The following TNR variants were observed in gnomAD, a reference collection of about 807,000 sequenced individuals.
TNR encodes tenascin-R.
TNR carries 45 observed loss-of-function variants against 150.4 expected under a neutral mutation model. The ratio of observed to expected loss-of-function variants is 0.30; its 90% CI spans 0.24 to 0.38. The LOEUF is 0.38. Ranked by LOEUF, TNR falls within the 10% of genes least tolerant of loss-of-function variation. The pLI is 1.00. For missense variants in TNR, 1,544 were observed against 1,759.1 expected (o/e 0.88, Z 2.19); for synonymous variants, 687 against 678.4 (o/e 1.01, Z -0.20).
chr1:175,421,006 A>C (rs1168952420), intron 2 of TNR, among the ~76,000 whole-genome samples: 1 of 152,012 alleles, frequency 6.6e-6, no homozygotes, highest in Non-Finnish European at 1.5e-5. Flanking sequence ...ATTTTTTTTT[A>C]AAGTTTCAGC....
At chr1:175,438,218 T>C (rs759630147) in intron 2 of TNR, among the ~76,000 whole-genome samples, 7 of 152,108 alleles carry the variant, frequency 4.6e-5, no homozygotes, top group Non-Finnish European at 1.0e-4. Context: ...GCAAGGCTGG[T>C]TCAACATATG....
chr1:175,609,804 A>G (rs1355113426), intron 1 of TNR, among the ~76,000 whole-genome samples: 2 of 152,368 alleles, frequency 1.3e-5, no homozygotes, highest in Admixed American at 1.3e-4. Context: ...GTCAAACTAC[A>G]TAGGAAGCCA....
rs58416273 is a variant in TNR at position 175,517,012 on chromosome 1, T to TGAGAGAGAGAGA, written c.-64+11245_-64+11256dup. 1.6e-4 allele frequency among the ~76,000 whole-genome samples: 19 copies of TGAGAGAGAGAGA among 120,450 alleles called. No homozygotes were observed. In the South Asian group the frequency reaches 2.7e-3, roughly 17 times the overall value. The allele number at this position is 120,450 out of a possible 152,430, so 79.0% of individuals were successfully genotyped here. The stretch of plus-strand genomic sequence containing the variant: ...AGCACAAATTAGTACATCTGAAAGC[T>TGAGAGAGAGAGA]GAGAGAGAGAGAGAGAGAGAGAGAG... On this transcript the variant is annotated intron_variant, in intron 2 of 22. Coordinates refer to ENST00000367674, the MANE Select transcript of TNR (RefSeq NM_003285.3).
intron 1 of TNR, among the ~76,000 whole-genome samples, chr1:175,581,781 C>A (rs908323046): frequency 1.3e-5 from 2 of 151,718 alleles, no homozygotes; most frequent in African/African-American, 4.8e-5. Flanking sequence ...ATGGCCCCTG[C>A]TAATAAAGAA....
At chr1:175,568,098 A>G (rs1315417287) in intron 1 of TNR, among the ~76,000 whole-genome samples, 1 of 152,234 alleles carries the variant, frequency 6.6e-6, no homozygotes, top group East Asian at 1.9e-4. Context: ...CTTACAGCTG[A>G]CAGATCATCT....
At chr1:175,640,425 C>A (rs1164536941) in intron 1 of TNR, among the ~76,000 whole-genome samples, 1 of 152,194 alleles carries the variant, frequency 6.6e-6, no homozygotes, top group African/African-American at 2.4e-5. Flanking sequence ...GTACTGGCAC[C>A]ATTATCTCTA....
rs758610631 is a variant in TNR at position 175,359,139 on chromosome 1, C to CTTTTTTTTTTTTTTTT, written c.2974+457_2974+472dup. 3.8e-3 allele frequency among the ~76,000 whole-genome samples: 160 copies of CTTTTTTTTTTTTTTTT among 42,144 alleles called. 57 individuals carry two copies. Among genetic ancestry groups the CTTTTTTTTTTTTTTTT allele is most frequent in the South Asian group, 7.3e-3 (6 of 822 alleles). The allele number at this position is 42,144 out of a possible 152,430, so 27.6% of individuals were successfully genotyped here. A position where few individuals can be genotyped will look rare whatever the true frequency, so the allele number is the denominator to read the frequency against. The stretch of plus-strand genomic sequence containing the variant: ...AGTTTGCAGAGTTTGGGGATATCTT[C>CTTTTTTTTTTTTTTTT]TTTTTTTTTTTTTTTTTTTTTTTTT... On this transcript the variant is annotated intron_variant, in intron 15 of 22. Coordinates refer to ENST00000367674, the MANE Select transcript of TNR (RefSeq NM_003285.3).
intron 1 of TNR, among the ~76,000 whole-genome samples, chr1:175,683,324 G>C (rs1403064466): frequency 6.6e-6 from 1 of 152,146 alleles, no homozygotes; most frequent in African/African-American, 2.4e-5. Context: ...CTTTCTTTCT[G>C]TCTTTACAGG....
intron 1 of TNR, among the ~76,000 whole-genome samples, chr1:175,667,043 A>C (rs928358589): frequency 6.6e-6 from 1 of 152,130 alleles, no homozygotes; most frequent in Non-Finnish European, 1.5e-5. Flanking sequence ...ATGAGCCACC[A>C]TACCCAGCCA....
chr1:175,320,428 CTCTT>C lies in TNR; in HGVS notation c.*2925_*2928del, dbSNP rs902758867. 6.6e-6 allele frequency: 1 copy of C among 152,130 alleles called. No individual in the cohort carries two copies. Among genetic ancestry groups the C allele is most frequent in the Non-Finnish European group, 1.5e-5 (1 of 68,026 alleles). The allele number at this position is 152,130 out of a possible 1,614,324, so 9.4% of individuals were successfully genotyped here. A position where few individuals can be genotyped will look rare whatever the true frequency, so the allele number is the denominator to read the frequency against. On this transcript the variant is annotated 3_prime_UTR_variant, in exon 23 of 23. Coordinates refer to ENST00000367674, the MANE Select transcript of TNR (RefSeq NM_003285.3). ...GGTTGAATAAGCTGATCTTTGAAGT[CTCTT>C]TCTTGCTTCAAAATAAAGCTATGCA...
At chr1:175,336,542 TG>T (rs1650261703) in intron 19 of TNR, among the ~76,000 whole-genome samples, 1 of 152,254 alleles carries the variant, frequency 6.6e-6, no homozygotes, top group South Asian at 2.1e-4. Context: ...AATGTTGGGC[TG>T]CTTTAGGGCC....
intron 3 of TNR, among the ~76,000 whole-genome samples, chr1:175,404,481 T>C (rs1461292432): frequency 6.6e-6 from 1 of 152,222 alleles, no homozygotes. Flanking sequence ...CAGTGGTTAA[T>C]TTATCTGCCT....
intron 2 of TNR, among the ~76,000 whole-genome samples, chr1:175,518,352 T>C (rs539101765): frequency 6.6e-6 from 1 of 152,282 alleles, no homozygotes; most frequent in Admixed American, 6.5e-5. Context: ...GACTGTGCAG[T>C]CTTGGGACAC....
At chr1:175,516,775 T>A (rs564420231) in intron 2 of TNR, among the ~76,000 whole-genome samples, 3 of 152,204 alleles carry the variant, frequency 2.0e-5, no homozygotes, top group Admixed American at 6.5e-5. Context: ...TTAATAAATA[T>A]TCTATTATTT....
chr1:175,454,908 A>G (rs578174980), intron 2 of TNR, among the ~76,000 whole-genome samples: 1 of 152,156 alleles, frequency 6.6e-6, no homozygotes, highest in African/African-American at 2.4e-5. Context: ...CTCCCATCAT[A>G]GGTGGGGTCT....
At chr1:175,469,150 G>A (rs915531613) in intron 2 of TNR, among the ~76,000 whole-genome samples, 1 of 152,092 alleles carries the variant, frequency 6.6e-6, no homozygotes, top group East Asian at 1.9e-4. Context: ...ACGGACCTAC[G>A]AGGCTGCTGG....
At chr1:175,545,259 G>T (rs1660641970) in intron 1 of TNR, among the ~76,000 whole-genome samples, 1 of 152,182 alleles carries the variant, frequency 6.6e-6, no homozygotes, top group African/African-American at 2.4e-5. Flanking sequence ...CAATAGGTAG[G>T]TTAATGGTGA....
At chr1:175,570,269 C>A (rs1661809619) in intron 1 of TNR, among the ~76,000 whole-genome samples, 1 of 152,176 alleles carries the variant, frequency 6.6e-6, no homozygotes, top group South Asian at 2.1e-4. Context: ...GGCCGAGGGG[C>A]AGGGTCATTT....
intron 1 of TNR, among the ~76,000 whole-genome samples, chr1:175,662,202 G>A (rs1210734763): frequency 6.6e-6 from 1 of 152,162 alleles, no homozygotes; most frequent in East Asian, 1.9e-4. Context: ...ATATGACATG[G>A]TGGTTCATAA....
Sources: gnomAD v4.1 joint callset for allele counts (sites outside exome capture counted in the v4.1 genomes callset) on GRCh38, gnomAD v4.1.1 for gene constraint, MANE v1.5 for transcripts, NCBI Gene and HGNC (gene_info 2026-07-23, HGNC 2026-07-21) for gene names.